The following GPM6B variants were observed in gnomAD, a reference collection of about 807,000 sequenced individuals.
GPM6B encodes the protein glycoprotein M6B, also known as neuronal membrane glycoprotein M6-b.
Under a neutral mutation model 27.2 loss-of-function variants are expected in GPM6B, and 4 were observed. The observed-to-expected ratio is 0.15, with a 90% CI of 0.07 to 0.34. The LOEUF (loss-of-function observed/expected upper bound fraction) is 0.34, where lower values mean the gene tolerates loss of function less well. GPM6B is among the 10% of genes least tolerant of loss of function. The pLI is 1.00. For missense variants in GPM6B, 183 were observed against 261.9 expected (o/e 0.70, Z 2.08); for synonymous variants, 124 against 103.1 (o/e 1.20, Z -1.23).
intron 1 of GPM6B, among the ~76,000 whole-genome samples, chrX:13,835,561 C>T (rs1002546847): frequency 8.9e-6 from 1 of 112,058 alleles, no homozygotes; most frequent in African/African-American, 3.2e-5. Flanking sequence ...CTCAGAGCCT[C>T]ACCTGTACAC....
intron 1 of GPM6B, among the ~76,000 whole-genome samples, chrX:13,935,377 A>G (rs761030436): frequency 4.4e-4 from 44 of 100,817 alleles, no homozygotes; most frequent in African/African-American, 1.5e-3. Context: ...TTAATCGGGC[A>G]TGGTGACACA....
intron 1 of GPM6B, among the ~76,000 whole-genome samples, chrX:13,878,952 G>A (rs760247460): frequency 9.0e-6 from 1 of 111,614 alleles, no homozygotes. Context: ...TTCTCCCCTA[G>A]GGCTTCTAGA....
chrX:13,877,836 A>AAAAAAAAAG, intron 1 of GPM6B, among the ~76,000 whole-genome samples: 1 of 104,404 alleles, frequency 9.6e-6, no homozygotes, highest in Non-Finnish European at 1.9e-5. Flanking sequence ...AAAAAAAAAA[A>AAAAAAAAAG]AAAAAAAAAA....
chrX:13,829,812 A>C (rs1354268421), intron 1 of GPM6B, among the ~76,000 whole-genome samples: 2 of 110,175 alleles, frequency 1.8e-5, no homozygotes, highest in Non-Finnish European at 3.8e-5. Context: ...AATCTGTAGG[A>C]TATTGCTAAC....
At chrX:13,871,190 C>T (rs1207768197) in intron 1 of GPM6B, among the ~76,000 whole-genome samples, 1 of 112,321 alleles carries the variant, frequency 8.9e-6, no homozygotes, top group African/African-American at 3.2e-5. Flanking sequence ...GATACAGAGA[C>T]TCTATTAGGG....
At chrX:13,804,010 TAATC>T (rs1327270749) in intron 2 of GPM6B, among the ~76,000 whole-genome samples, 1 of 112,184 alleles carries the variant, frequency 8.9e-6, no homozygotes, top group Non-Finnish European at 1.9e-5. Flanking sequence ...TAAATTCACA[TAATC>T]AATTCCTTCC....
intron 1 of GPM6B, among the ~76,000 whole-genome samples, chrX:13,921,380 T>C (rs914447678): frequency 3.6e-4 from 40 of 111,889 alleles, no homozygotes; most frequent in African/African-American, 1.2e-3. Context: ...ACTACTTTAG[T>C]AGAAGAGTGG....
In GPM6B at chrX:13,772,419, T is replaced by G. The variant is rs2048317784; in HGVS notation, c.*462A>C. 1 of 113,330 alleles carries G rather than the reference T, an allele frequency of 8.8e-6. No homozygotes were observed. The highest frequency in any genetic ancestry group is 1.9e-5 in the Non-Finnish European group (1 of 54,033). The allele number at this position is 113,330 out of a possible 1,213,427, so 9.3% of individuals were successfully genotyped here. A position where few individuals can be genotyped will look rare whatever the true frequency, so the allele number is the denominator to read the frequency against. On this transcript the variant is annotated 3_prime_UTR_variant, in exon 8 of 8. Coordinates refer to ENST00000316715, the MANE Select transcript of GPM6B (RefSeq NM_001001995.3). ...AAATGTCAGCTGTCAGAAATGGAACTTTACATCAATTCCATTTTATTTCCT... is the reference window on the plus strand; with the variant it reads ...AAATGTCAGCTGTCAGAAATGGAACGTTACATCAATTCCATTTTATTTCCT...
At chrX:13,868,189 T>TTGTGTG (rs59057250) in intron 1 of GPM6B, among the ~76,000 whole-genome samples, 1 of 106,885 alleles carries the variant, frequency 9.4e-6, no homozygotes, top group African/African-American at 3.4e-5. Flanking sequence ...GACATTTAAA[T>TTGTGTG]TGTGTGTGTG....
chrX:13,814,149 A>G (rs958988482), intron 1 of GPM6B, among the ~76,000 whole-genome samples: 176 of 112,689 alleles, frequency 1.6e-3, no homozygotes, highest in African/African-American at 5.5e-3. Flanking sequence ...AACTCCCAGG[A>G]AAGATCCCAA....
intron 1 of GPM6B, among the ~76,000 whole-genome samples, chrX:13,814,507 AAAT>A (rs2049197728): frequency 8.8e-6 from 1 of 113,006 alleles, no homozygotes; most frequent in African/African-American, 3.2e-5. Flanking sequence ...CACATTCTAT[AAAT>A]AATTATGTCA....
Position 13,806,475 on chromosome X carries a change from C to A in GPM6B, c.181+1175G>T, listed in dbSNP as rs141144152. On this transcript the variant is annotated intron_variant, in intron 2 of 7. Coordinates refer to ENST00000316715, the MANE Select transcript of GPM6B (RefSeq NM_001001995.3). ...CCATGAGAATGGATGGCTGATGTCACCTCATGCTCACCCTATTTAGCCAGC... is the reference window on the plus strand; with the variant it reads ...CCATGAGAATGGATGGCTGATGTCAACTCATGCTCACCCTATTTAGCCAGC... 7.6e-3 allele frequency among the ~76,000 whole-genome samples: 846 copies of A among 111,870 alleles called. 9 individuals carry two copies. The highest frequency in any genetic ancestry group is 0.026 in the African/African-American group (807 of 30,733).
intron 1 of GPM6B, among the ~76,000 whole-genome samples, chrX:13,860,152 C>T (rs1404587177): frequency 1.8e-5 from 2 of 112,331 alleles, no homozygotes; most frequent in Non-Finnish European, 3.8e-5. Flanking sequence ...GCGGCTTTTA[C>T]ACAGGAAGGA....
rs1384869921 is a variant in GPM6B at position 13,772,042 on chromosome X, G to A, written c.*839C>T. ...CTTAATAATTAAGAAAAACATTTAT[G>A]GAACAAAATTCTGTGAAAGATATTT... On this transcript the variant is annotated 3_prime_UTR_variant, in exon 8 of 8. Transcript: ENST00000316715. 1.8e-5 allele frequency: 2 copies of A among 112,079 alleles called. No individual in the cohort carries two copies. The highest frequency in any genetic ancestry group is 1.9e-4 in the Admixed American group (2 of 10,546). The allele number at this position is 112,079 out of a possible 1,213,427, so 9.2% of individuals were successfully genotyped here.
chrX:13,845,253 G>C (rs2049631721), intron 1 of GPM6B, among the ~76,000 whole-genome samples: 2 of 111,485 alleles, frequency 1.8e-5, no homozygotes, highest in Non-Finnish European at 3.8e-5. Flanking sequence ...GCCTCCCAAA[G>C]TGCCGGGATT....
chrX:13,885,046 G>A (rs1366897005), intron 1 of GPM6B, among the ~76,000 whole-genome samples: 1 of 111,656 alleles, frequency 9.0e-6, no homozygotes, highest in Admixed American at 9.5e-5. Context: ...TCACCTCATC[G>A]AGGGAGACAT....
intron 1 of GPM6B, among the ~76,000 whole-genome samples, chrX:13,891,944 C>A (rs1246621626): frequency 1.8e-5 from 2 of 111,709 alleles, no homozygotes; most frequent in Non-Finnish European, 3.8e-5. Context: ...GAACAATGAA[C>A]AATCTGAGCA....
upstream of GPM6B, among the ~76,000 whole-genome samples, chrX:13,822,253 TCAA>T (rs1469237178): frequency 9.0e-6 from 1 of 111,628 alleles, no homozygotes; most frequent in Non-Finnish European, 1.9e-5. Flanking sequence ...TACACCTCCC[TCAA>T]CAAATTTTAT....
chrX:13,924,412 A>G (rs1921072987), intron 1 of GPM6B, among the ~76,000 whole-genome samples: 1 of 110,838 alleles, frequency 9.0e-6, no homozygotes, highest in Admixed American at 9.6e-5. Flanking sequence ...CAATCCTCTC[A>G]CCTCAGCCTC....
Sources: allele counts gnomAD v4.1 joint callset (sites outside exome capture counted in the v4.1 genomes callset), GRCh38; gene constraint gnomAD v4.1.1; transcripts MANE v1.5; gene names NCBI Gene and HGNC (gene_info 2026-07-23, HGNC 2026-07-21).